The following NRG3 variants were observed in gnomAD, a reference collection of about 807,000 sequenced individuals.
NRG3 encodes the protein neuregulin 3.
NRG3 carries 31 observed loss-of-function variants against 66.9 expected under a neutral mutation model. The ratio of observed to expected loss-of-function variants is 0.46; its 90% CI spans 0.35 to 0.63. The LOEUF (loss-of-function observed/expected upper bound fraction) is 0.63, where lower values mean the gene tolerates loss of function less well. Ranked by LOEUF, NRG3 falls within the 20% of genes least tolerant of loss-of-function variation. The pLI is 0.00. For synonymous variants in NRG3, 393 were observed against 359.4 expected, an observed-to-expected ratio of 1.09 and a Z score of -1.06; for missense variants, 910 against 878.9, an observed-to-expected ratio of 1.04 and a Z score of -0.45.
chr10:81,997,364 C>T (rs2060978612), intron 1 of NRG3, among the ~76,000 whole-genome samples: 1 of 152,206 alleles, frequency 6.6e-6, no homozygotes, highest in Non-Finnish European at 1.5e-5. Context: ...CCTTCGCCTC[C>T]AGCCTTCTAT....
At chr10:82,657,265 C>T (rs981127458) in intron 2 of NRG3, among the ~76,000 whole-genome samples, 1 of 152,048 alleles carries the variant, frequency 6.6e-6, no homozygotes, top group Non-Finnish European at 1.5e-5. Context: ...TAGGTCAGCT[C>T]CATCAGGTAA....
chr10:82,847,256 G>A (rs1340529448), intron 3 of NRG3, among the ~76,000 whole-genome samples: 2 of 152,298 alleles, frequency 1.3e-5, no homozygotes, highest in African/African-American at 2.4e-5. Context: ...TTATAAAACA[G>A]CACTGTGTCA....
intron 2 of NRG3, among the ~76,000 whole-genome samples, chr10:82,510,857 A>G (rs898164031): frequency 1.3e-5 from 2 of 152,184 alleles, no homozygotes; most frequent in Non-Finnish European, 2.9e-5. Context: ...GGAAAAGAAC[A>G]GAAAATAAAT....
chr10:82,032,292 C>G (rs1355026412), intron 1 of NRG3, among the ~76,000 whole-genome samples: 3 of 151,898 alleles, frequency 2.0e-5, no homozygotes. Context: ...TTTAAGAATA[C>G]TGAAGAAAAC....
At position 82,714,390 on chromosome 10, in the gene NRG3, A is replaced by T. The variant is rs145072236; in HGVS notation, c.954-24187A>T. On this transcript the variant is annotated intron_variant, in intron 2 of 8. Transcript: ENST00000372141. ...CCTGCTGTGAGCAGCTGCAGAAAGC[A>T]GCTCTGTTTCAGCAACAAAGAAAAG... Among the ~76,000 whole-genome samples, 443 of 152,328 alleles carry T rather than the reference A, an allele frequency of 2.9e-3. 2 individuals carry two copies. The highest frequency in any genetic ancestry group is 0.01 in the African/African-American group (416 of 41,588).
At chr10:82,377,207 G>A (rs531586740) in intron 2 of NRG3, among the ~76,000 whole-genome samples, 7 of 152,226 alleles carry the variant, frequency 4.6e-5, no homozygotes, top group South Asian at 2.1e-4. Context: ...TTAAGCGATC[G>A]AATAACTTGC....
chr10:82,866,219 T>C (rs551946), intron 4 of NRG3, among the ~76,000 whole-genome samples: 111,810 of 151,704 alleles, frequency 0.74, 41,718 homozygotes, highest in African/African-American at 0.86. Context: ...TTCATCTGCT[T>C]CTTTGGATTC....
intron 2 of NRG3, among the ~76,000 whole-genome samples, chr10:82,714,906 A>G (rs981147674): frequency 5.9e-5 from 9 of 152,210 alleles, no homozygotes; most frequent in Non-Finnish European, 1.3e-4. Flanking sequence ...GTTTTATATT[A>G]TTTCTGTGTA....
chr10:82,744,441 C>T (rs2058559554), intron 3 of NRG3, among the ~76,000 whole-genome samples: 1 of 152,154 alleles, frequency 6.6e-6, no homozygotes, highest in African/African-American at 2.4e-5. Flanking sequence ...CATGACACAA[C>T]TCTCTGCGCC....
At chr10:82,006,601 C>T (rs2061384905) in intron 1 of NRG3, among the ~76,000 whole-genome samples, 1 of 151,828 alleles carries the variant, frequency 6.6e-6, no homozygotes, top group South Asian at 2.1e-4. Context: ...TCAGAAGTTA[C>T]TTTTTTTGTT....
At chr10:82,036,269 A>T (rs1456859189) in intron 1 of NRG3, among the ~76,000 whole-genome samples, 1 of 152,138 alleles carries the variant, frequency 6.6e-6, no homozygotes, top group Non-Finnish European at 1.5e-5. Flanking sequence ...TAAACTAGAT[A>T]AACATACTAG....
chr10:82,958,833 G>A, intron 5 of NRG3, 116 bp from the exon 6 acceptor site: 2 of 1,218,690 alleles, frequency 1.6e-6, no homozygotes, highest in Non-Finnish European at 2.2e-6. Context: ...TTCGTTAGCT[G>A]AGTTTATTTA....
chr10:82,176,118 A>G (rs1329591948), intron 1 of NRG3, among the ~76,000 whole-genome samples: 2 of 152,192 alleles, frequency 1.3e-5, no homozygotes. Flanking sequence ...GTAGTTCTCA[A>G]AGTCTTTAAT....
intron 2 of NRG3, among the ~76,000 whole-genome samples, chr10:82,600,549 C>A (rs985653443): frequency 6.6e-6 from 1 of 152,178 alleles, no homozygotes; most frequent in Admixed American, 6.5e-5. Flanking sequence ...CAGCGCATTG[C>A]AACCCCTGCC....
chr10:82,876,010 A>G (rs1047715430), intron 4 of NRG3, among the ~76,000 whole-genome samples: 2 of 152,234 alleles, frequency 1.3e-5, no homozygotes, highest in Admixed American at 1.3e-4. Context: ...TTGAAGAAGT[A>G]TGCAGATCTA....
At chr10:82,331,931 G>A (rs867534033) in intron 1 of NRG3, among the ~76,000 whole-genome samples, 1 of 152,226 alleles carries the variant, frequency 6.6e-6, no homozygotes, top group Non-Finnish European at 1.5e-5. Context: ...CGAGAGCAGA[G>A]GCCCAGCCTG....
chr10:82,948,792 A>T (rs961608973), intron 4 of NRG3, among the ~76,000 whole-genome samples: 1 of 152,138 alleles, frequency 6.6e-6, no homozygotes, highest in Non-Finnish European at 1.5e-5. Flanking sequence ...TTACTTGATA[A>T]TTATACTAGG....
At chr10:82,852,864 G>C (rs904553654) in intron 3 of NRG3, among the ~76,000 whole-genome samples, 6 of 152,330 alleles carry the variant, frequency 3.9e-5, no homozygotes, top group African/African-American at 1.4e-4. Context: ...GTGGGAGCAT[G>C]AGGGTAAGAC....
At chr10:82,862,609 G>GTCTT (rs914514325) in intron 3 of NRG3, among the ~76,000 whole-genome samples, 1 of 152,144 alleles carries the variant, frequency 6.6e-6, no homozygotes, top group African/African-American at 2.4e-5. Context: ...GGCTATCTCT[G>GTCTT]TCTTTGAGCA....
Sources: allele counts gnomAD v4.1 joint callset (sites outside exome capture counted in the v4.1 genomes callset), GRCh38; gene constraint gnomAD v4.1.1; transcripts MANE v1.5; gene names NCBI Gene and HGNC (gene_info 2026-07-23, HGNC 2026-07-21).